The following TSGA10IP variants were observed in gnomAD, a reference collection of about 807,000 sequenced individuals.
TSGA10IP encodes testis-specific protein 10-interacting protein.
TSGA10IP carries 64 observed loss-of-function variants against 63.2 expected under a neutral mutation model. That is an observed-to-expected ratio of 1.01 (90% CI 0.83 to 1.25). The LOEUF is 1.25. Ranked by LOEUF, TSGA10IP falls within the 50% of genes most tolerant of loss-of-function variation. TSGA10IP has a pLI of 0.00. For missense variants in TSGA10IP, 681 were observed against 710.1 expected, an observed-to-expected ratio of 0.96 and a Z score of 0.47; for synonymous variants, 316 against 298.3, an observed-to-expected ratio of 1.06 and a Z score of -0.61.
chr11:65,945,563 C>T (rs1854809588), exon 1 of TSGA10IP: 1 of 1,244,202 alleles, frequency 8.0e-7, no homozygotes, highest in South Asian at 1.4e-5. Context: ...ACATACCCCA[C>T]TGACCCCTTC....
rs757535182 is a variant in TSGA10IP, at chr11:65,946,865, A to G, written c.148-15A>G. The G allele has an allele frequency of 6.2e-7, 1 of 1,612,706 alleles. No homozygotes were observed. The highest frequency in any genetic ancestry group is 8.5e-7 in the Non-Finnish European group (1 of 1,179,420). The stretch of plus-strand genomic sequence containing the variant: ...TGCTCAAGCTGGCTGCTCCTCCCCT[A>G]CTGTCTCTGCCCAGGGCTGCCTGGG... On this transcript the variant is annotated splice_polypyrimidine_tract_variant and intron_variant, in intron 1 of 7. Coordinates refer to ENST00000532620, the Ensembl canonical transcript of TSGA10IP.
intron 4 of TSGA10IP, 76 bp from the exon 5 acceptor site, chr11:65,953,491 C>T: frequency 6.8e-7 from 1 of 1,474,860 alleles, no homozygotes; most frequent in Non-Finnish European, 8.9e-7. Context: ...TCCATATTCC[C>T]TTATCCAGCC....
chr11:65,947,684 G>C (rs754193613), exon 3 of TSGA10IP: 2 of 1,604,794 alleles, frequency 1.2e-6, no homozygotes, highest in Non-Finnish European at 1.7e-6. Flanking sequence ...CGATGAGGGA[G>C]AAGTGCAGGG....
exon 3 of TSGA10IP, chr11:65,947,743 A>G (rs771801508): frequency 6.3e-7 from 1 of 1,590,800 alleles, no homozygotes; most frequent in Non-Finnish European, 8.6e-7. Context: ...GAAGGCGACA[A>G]TGGAGGAAGA....
In TSGA10IP at chr11:65,958,985, G is replaced by A; in HGVS notation, c.1422+3G>A. 1.2e-6 allele frequency: 2 copies of A among 1,612,928 alleles called. No homozygotes were observed. The highest frequency in any genetic ancestry group is 2.2e-5 in the South Asian group (2 of 91,050). On this transcript the variant is annotated splice_donor_region_variant and intron_variant, in intron 6 of 7. Transcript: ENST00000532620. ...TCCTGTTCCAGCAGGCTATGCAGGT[G>A]AGGCTGGCACCTGGGCAAGCACATA...
At chr11:65,959,652 A>G (rs1210894953) in intron 7 of TSGA10IP, among the ~76,000 whole-genome samples, 165 bp from the exon 8 acceptor site, 1 of 152,172 alleles carries the variant, frequency 6.6e-6, no homozygotes, top group Non-Finnish European at 1.5e-5. Context: ...AGCGATTATG[A>G]AGCCCACTTG....
At chr11:65,956,129 C>G (rs1310418990) in intron 5 of TSGA10IP, among the ~76,000 whole-genome samples, 1 of 141,630 alleles carries the variant, frequency 7.1e-6, no homozygotes, top group Non-Finnish European at 1.5e-5. Flanking sequence ...CTCTTTGAGG[C>G]TCAGTCTTTT....
At chr11:65,947,217 G>A in exon 3 of TSGA10IP, 1 of 1,607,954 alleles carries the variant, frequency 6.2e-7, no homozygotes, top group Non-Finnish European at 8.5e-7. Flanking sequence ...CCAACCCCTG[G>A]CCACCAAGCC....
intron 4 of TSGA10IP, among the ~76,000 whole-genome samples, chr11:65,952,806 G>A (rs1476823103): frequency 2.0e-5 from 3 of 146,674 alleles, no homozygotes; most frequent in Non-Finnish European, 4.5e-5. Flanking sequence ...GGTTACAGGT[G>A]TGAGCCACCA....
chr11:65,947,084 C>T, intron 2 of TSGA10IP, 26 bp from the exon 3 acceptor site: 1 of 1,609,042 alleles, frequency 6.2e-7, no homozygotes, highest in Non-Finnish European at 8.5e-7. Flanking sequence ...GGCGCCGACC[C>T]TGACCCCCAC....
rs79847997 is a variant in TSGA10IP at position 65,950,528 on chromosome 11, G to A, written c.1151+2380G>A. Among the ~76,000 whole-genome samples the A allele has an allele frequency of 3.0e-4, 45 of 151,876 alleles. No homozygotes were observed. In the East Asian group the frequency reaches 8.1e-3, roughly 27 times the overall value. On this transcript the variant is annotated intron_variant, in intron 4 of 7. Transcript: ENST00000532620. ...TCCCACTTCAGCCTCCTGAGCTCTA[G>A]GACTGCAGTCATGAGCCACCATGCC...
chr11:65,955,358 C>T (rs1855006393), intron 5 of TSGA10IP, among the ~76,000 whole-genome samples: 1 of 152,094 alleles, frequency 6.6e-6, no homozygotes, highest in African/African-American at 2.4e-5. Context: ...GTAATCCCAA[C>T]ACTTTGGGAA....
At chr11:65,945,637 G>A (rs147401550) in exon 1 of TSGA10IP, 24 of 1,602,790 alleles carry the variant, frequency 1.5e-5, no homozygotes, top group East Asian at 2.2e-5. Flanking sequence ...GAGATGGCCT[G>A]TTAGGCAGTT....
At chr11:65,955,756 T>C (rs1855014003) in intron 5 of TSGA10IP, among the ~76,000 whole-genome samples, 1 of 152,166 alleles carries the variant, frequency 6.6e-6, no homozygotes, top group Non-Finnish European at 1.5e-5. Flanking sequence ...TATCTCCACC[T>C]GCATAACCCC....
chr11:65,959,325 C>G lies in TSGA10IP; in HGVS notation c.1547+11C>G, dbSNP rs994672970. 2 of 1,610,256 alleles carry G rather than the reference C, an allele frequency of 1.2e-6. No individual in the cohort carries two copies. Among genetic ancestry groups the G allele is most frequent in the Non-Finnish European group, 1.7e-6 (2 of 1,179,246 alleles). On this transcript the variant is annotated intron_variant, in intron 7 of 7. Coordinates refer to ENST00000532620, the Ensembl canonical transcript of TSGA10IP. ...CCCCAGGAAACCCAGGTGAGTCTCC[C>G]CGTCAGGTCAAGAACTGACTCTGCC...
At chr11:65,956,230 C>T (rs983988420) in intron 5 of TSGA10IP, among the ~76,000 whole-genome samples, 2 of 151,816 alleles carry the variant, frequency 1.3e-5, no homozygotes, top group African/African-American at 2.4e-5. Flanking sequence ...CTCTGCCTCC[C>T]GGGTTCAAGC....
chr11:65,954,862 G>C (rs953222485), intron 5 of TSGA10IP, among the ~76,000 whole-genome samples: 6 of 151,770 alleles, frequency 4.0e-5, no homozygotes, highest in African/African-American at 1.5e-4. Context: ...CTCAGAGGGA[G>C]AGACGGCAGC....
intron 4 of TSGA10IP, among the ~76,000 whole-genome samples, chr11:65,951,757 G>A (rs1276123954): frequency 6.6e-6 from 1 of 151,498 alleles, no homozygotes; most frequent in African/African-American, 2.4e-5. Context: ...ATGTGGCCCA[G>A]GCTGGTCTCA....
At chr11:65,959,397 A>G in intron 7 of TSGA10IP, 83 bp downstream of exon 7, 1 of 1,548,362 alleles carries the variant, frequency 6.5e-7, no homozygotes, top group Non-Finnish European at 8.7e-7. Context: ...TGGGCTCTGG[A>G]GGGCCTCCCC....
Sources: gnomAD v4.1 joint callset for allele counts (sites outside exome capture counted in the v4.1 genomes callset) on GRCh38, gnomAD v4.1.1 for gene constraint, MANE v1.5 for transcripts, NCBI Gene and HGNC (gene_info 2026-07-23, HGNC 2026-07-21) for gene names.